The following GALNT18 variants were observed in gnomAD, a reference collection of about 807,000 sequenced individuals.
The protein encoded by GALNT18 is GalNAc-transferase 18.
GALNT18 carries 44 observed loss-of-function variants against 69.5 expected under a neutral mutation model. The observed-to-expected ratio is 0.63, with a 90% CI of 0.50 to 0.81. The LOEUF (loss-of-function observed/expected upper bound fraction) is 0.81. Among genes scored for constraint, GALNT18 ranks in the 40% least tolerant of loss-of-function variants. The pLI, the probability that GALNT18 is intolerant of heterozygous loss-of-function variation, is 0.00. For synonymous variants in GALNT18, 364 were observed against 318.2 expected (o/e 1.14, Z -1.53); for missense variants, 715 against 810.0 (o/e 0.88, Z 1.42).
chr11:11,515,820 G>C lies in GALNT18; in HGVS notation c.236-66884C>G, dbSNP rs1417320418. 2.0e-5 allele frequency among the ~76,000 whole-genome samples: 3 copies of C among 152,234 alleles called. No homozygotes were observed. The East Asian group carries it at 5.8e-4, about 29-fold the overall frequency. Reference sequence around the variant, plus strand: ...AGCCCCTCGTGGGAGCAGATCACTGGGCAGGAAGGAAGGGCCCTGAAAGGC... The same window carrying C: ...AGCCCCTCGTGGGAGCAGATCACTGCGCAGGAAGGAAGGGCCCTGAAAGGC... On this transcript the variant is annotated intron_variant, in intron 1 of 10. Transcript: ENST00000227756.
In GALNT18 at chr11:11,341,467, A is replaced by G. The variant is rs545169694; in HGVS notation, c.1093-463T>C. On this transcript the variant is annotated intron_variant, in intron 6 of 10. Transcript: ENST00000227756. This position sits in a 1 kb window ranked among gnomAD's most constrained non-coding sequence, Gnocchi z 6.3. ...TGGGCCTGGACAAGAATTAGTGATC[A>G]CCACAGAGAAGGGTGTCACCAGACA... 6.6e-5 allele frequency among the ~76,000 whole-genome samples: 10 copies of G among 152,262 alleles called. No homozygotes were observed. The highest frequency in any genetic ancestry group is 1.3e-4 in the Admixed American group (2 of 15,306).
At chr11:11,326,850 G>A (rs1347358777) in intron 9 of GALNT18, among the ~76,000 whole-genome samples, 1 of 152,140 alleles carries the variant, frequency 6.6e-6, no homozygotes, top group Non-Finnish European at 1.5e-5. Flanking sequence ...CATCATCCTG[G>A]AGGATCCTGG....
chr11:11,293,013 G>C lies in GALNT18; in HGVS notation c.1677+16C>G. ...CCACGATGGCTGCCACTGTGCCCGG[G>C]CTCTGGGGCTGTTACCTGAGAGAAC... On this transcript the variant is annotated intron_variant, in intron 10 of 10. Coordinates refer to ENST00000227756, the MANE Select transcript of GALNT18 (RefSeq NM_198516.3). The C allele has an allele frequency of 2.9e-6, 4 of 1,356,672 alleles. No individual in the cohort carries two copies. Among genetic ancestry groups the C allele is most frequent in the Non-Finnish European group, 3.8e-6 (4 of 1,044,754 alleles). 84.0% of individuals were successfully genotyped at this position (1,356,672 alleles called of 1,614,324 possible). A position where few individuals can be genotyped will look rare whatever the true frequency, so the allele number is the denominator to read the frequency against.
At chr11:11,424,294 G>T (rs150534819) in intron 3 of GALNT18, among the ~76,000 whole-genome samples, 1,703 of 152,302 alleles carry the variant, frequency 0.011, 24 homozygotes, top group Middle Eastern at 0.02. Flanking sequence ...GAACCAGAGA[G>T]GAGGTGCCCA....
intron 1 of GALNT18, among the ~76,000 whole-genome samples, chr11:11,580,575 G>A (rs528713109): frequency 9.8e-5 from 15 of 152,336 alleles, no homozygotes; most frequent in Middle Eastern, 3.4e-3. Flanking sequence ...TGAGACCTCC[G>A]CACAGAAATA....
intron 6 of GALNT18, among the ~76,000 whole-genome samples, chr11:11,353,687 G>A (rs748782980): frequency 6.6e-6 from 1 of 152,008 alleles, no homozygotes; most frequent in Non-Finnish European, 1.5e-5. Flanking sequence ...CAAATTGGCC[G>A]TCCATACCAG....
At chr11:11,460,493 G>T (rs1194229663) in intron 1 of GALNT18, among the ~76,000 whole-genome samples, 1 of 152,174 alleles carries the variant, frequency 6.6e-6, no homozygotes, top group East Asian at 1.9e-4. Flanking sequence ...TTCTCCAAAG[G>T]TGCAGCGCAC....
At chr11:11,575,127 A>C (rs1000045723) in intron 1 of GALNT18, among the ~76,000 whole-genome samples, 9 of 152,166 alleles carry the variant, frequency 5.9e-5, no homozygotes, top group African/African-American at 2.2e-4. Context: ...CCATGAACAC[A>C]ACTAATTCCT....
rs58105813 is a variant in GALNT18 at position 11,506,524 on chromosome 11, C to T, written c.236-57588G>A. On this transcript the variant is annotated intron_variant, in intron 1 of 10. Coordinates refer to ENST00000227756, the MANE Select transcript of GALNT18 (RefSeq NM_198516.3). ...AGGGCGACTTCCCAGAGTGCTTGCA[C>T]TGAAGACAGTGCTCATCCCAGGCTC... Among the ~76,000 whole-genome samples the T allele has an allele frequency of 5.5e-3, 837 of 152,316 alleles. 10 individuals are homozygous for T. The highest frequency in any genetic ancestry group is 0.016 in the African/African-American group (677 of 41,574).
chr11:11,313,965 G>C (rs569155142), intron 9 of GALNT18, among the ~76,000 whole-genome samples: 1 of 152,194 alleles, frequency 6.6e-6, no homozygotes, highest in East Asian at 1.9e-4. Context: ...CCAGTTCTGT[G>C]CCCGATTTGG....
chr11:11,421,009 T>C lies in GALNT18; in HGVS notation c.595+11612A>G, dbSNP rs1348786573. ...AAAGCAAAATGGTACAGAGCCCTCT[T>C]GCTGTAGATTGCTACAGGGAGCTCA... On this transcript the variant is annotated intron_variant, in intron 3 of 10. Coordinates refer to ENST00000227756, the MANE Select transcript of GALNT18 (RefSeq NM_198516.3). This position sits in a 1 kb window ranked among gnomAD's most constrained non-coding sequence, Gnocchi z 5.6. 6.6e-6 allele frequency among the ~76,000 whole-genome samples: 1 copy of C among 152,164 alleles called. No homozygotes were observed. Among genetic ancestry groups the C allele is most frequent in the Non-Finnish European group, 1.5e-5 (1 of 68,030 alleles).
intron 7 of GALNT18, among the ~76,000 whole-genome samples, chr11:11,336,814 T>C (rs1291415173): frequency 6.6e-6 from 1 of 152,164 alleles, no homozygotes; most frequent in African/African-American, 2.4e-5. Flanking sequence ...TATGTCACAC[T>C]CTCGGCCTGA....
rs1234096142 is a variant in GALNT18 at position 11,563,888 on chromosome 11, A to G, written c.235+57471T>C. Among the ~76,000 whole-genome samples the G allele has an allele frequency of 3.9e-5, 6 of 152,250 alleles. No homozygotes were observed. The highest frequency in any genetic ancestry group is 1.5e-5 in the Non-Finnish European group (1 of 68,046). ...GGAGCAAATTTTTGCAAAGCTCCCC[A>G]AAGCATTTTGAGTTCTGAAAGCAAG... On this transcript the variant is annotated intron_variant, in intron 1 of 10. Coordinates refer to ENST00000227756, the MANE Select transcript of GALNT18 (RefSeq NM_198516.3). The surrounding 1 kb of genome is among the most constrained non-coding windows in gnomAD (Gnocchi z 4.6).
chr11:11,478,008 A>G (rs1856440353), intron 1 of GALNT18, among the ~76,000 whole-genome samples: 1 of 152,214 alleles, frequency 6.6e-6, no homozygotes, highest in African/African-American at 2.4e-5. Context: ...CTGGGTCATA[A>G]TATTTTCCTG....
rs1259458384 is a variant in GALNT18, at chr11:11,339,064, GA to G, written c.1278+1754del. Among the ~76,000 whole-genome samples, 2 of 152,206 alleles carry G rather than the reference GA, an allele frequency of 1.3e-5. No individual in the cohort carries two copies. Among genetic ancestry groups the G allele is most frequent in the Admixed American group, 6.5e-5 (1 of 15,290 alleles). ...GGATATAGCTTGGGAGAAGGATTGG[GA>G]GATGAAGAAATATTGACTCTGTACA... On this transcript the variant is annotated intron_variant, in intron 7 of 10. Coordinates refer to ENST00000227756, the MANE Select transcript of GALNT18 (RefSeq NM_198516.3). This position sits in a 1 kb window ranked among gnomAD's most constrained non-coding sequence, Gnocchi z 5.2.
intron 2 of GALNT18, among the ~76,000 whole-genome samples, chr11:11,440,988 C>G (rs1010612737): frequency 6.6e-6 from 1 of 152,190 alleles, no homozygotes; most frequent in African/African-American, 2.4e-5. Flanking sequence ...AACTACTACT[C>G]TATAATCTAA....
intron 6 of GALNT18, among the ~76,000 whole-genome samples, chr11:11,345,306 CCAGTGGCA>C (rs1468473968): frequency 6.6e-6 from 1 of 152,216 alleles, no homozygotes; most frequent in Non-Finnish European, 1.5e-5. Flanking sequence ...TGGACCCTGC[CCAGTGGCA>C]CTGAAGCAAA....
chr11:11,373,260 C>T (rs1175823230), intron 5 of GALNT18, among the ~76,000 whole-genome samples: 3 of 152,024 alleles, frequency 2.0e-5, no homozygotes, highest in African/African-American at 4.8e-5. Flanking sequence ...CTGGGAAGCT[C>T]ATTGCTGTAT....
intron 3 of GALNT18, among the ~76,000 whole-genome samples, chr11:11,423,023 G>A (rs983883250): frequency 6.6e-5 from 10 of 152,172 alleles, no homozygotes; most frequent in Non-Finnish European, 1.3e-4. Context: ...AAGCCCACGT[G>A]CCCATGTGCC....
Sources: gnomAD v4.1 joint callset for allele counts (sites outside exome capture counted in the v4.1 genomes callset) on GRCh38, gnomAD v4.1.1 for gene constraint, Gnocchi (gnomAD v3.1) non-coding constraint, MANE v1.5 for transcripts, NCBI Gene and HGNC (gene_info 2026-07-23, HGNC 2026-07-21) for gene names.